Variants in ENTREP2 observed in about 807,000 individuals in gnomAD.
ENTREP2 encodes endosomal transmembrane epsin interactor 2, also known as protein ENTREP2.
At chr15:29,523,327 G>A in the ENTREP2 span, among the ~76,000 whole-genome samples, 1 of 152,070 alleles carries the variant, frequency 6.6e-6, no homozygotes, top group Non-Finnish European at 1.5e-5. Context: ...AAACTAAAGT[G>A]AAGAAAACAA....
the ENTREP2 span, among the ~76,000 whole-genome samples, chr15:29,278,411 T>C: frequency 6.6e-6 from 1 of 152,220 alleles, no homozygotes; most frequent in Non-Finnish European, 1.5e-5. Context: ...AGCTGTCCCC[T>C]TTCTGAGAAT....
chr15:29,383,613 C>T, the ENTREP2 span, among the ~76,000 whole-genome samples: 2 of 152,132 alleles, frequency 1.3e-5, no homozygotes, highest in African/African-American at 2.4e-5. Context: ...TGGCCAGACC[C>T]GGGAGGAGGG....
chr15:29,272,600 C>A, the ENTREP2 span, among the ~76,000 whole-genome samples: 1 of 152,124 alleles, frequency 6.6e-6, no homozygotes, highest in Non-Finnish European at 1.5e-5. Context: ...GGAAGACAAC[C>A]TCATGCTAGA....
At chr15:29,338,704 AAT>A in the ENTREP2 span, among the ~76,000 whole-genome samples, 11 of 152,222 alleles carry the variant, frequency 7.2e-5, no homozygotes, top group South Asian at 2.1e-3. Flanking sequence ...ATGTTCCTTC[AAT>A]ACCTCTTCAA....
At chr15:29,534,946 C>A in the ENTREP2 span, among the ~76,000 whole-genome samples, 30 of 152,282 alleles carry the variant, frequency 2.0e-4, no homozygotes, top group African/African-American at 6.5e-4. Context: ...GAAGAACAAT[C>A]CTTAAAAATA....
the ENTREP2 span, among the ~76,000 whole-genome samples, chr15:29,406,046 C>T: frequency 1.3e-5 from 2 of 152,270 alleles, no homozygotes; most frequent in Middle Eastern, 3.4e-3. Context: ...CTATTTAAAT[C>T]GGTTTTTATA....
the ENTREP2 span, among the ~76,000 whole-genome samples, chr15:29,304,116 C>T: frequency 2.0e-5 from 3 of 152,106 alleles, no homozygotes; most frequent in East Asian, 1.9e-4. Context: ...CCTCTGACCT[C>T]GGGTGATCTG....
At chr15:29,312,555 T>C in the ENTREP2 span, among the ~76,000 whole-genome samples, 1 of 152,192 alleles carries the variant, frequency 6.6e-6, no homozygotes, top group African/African-American at 2.4e-5. Flanking sequence ...TAATTCTCAG[T>C]ACATTTCAAA....
the ENTREP2 span, chr15:29,128,641 C>T: frequency 2.8e-6 from 2 of 712,208 alleles, no homozygotes; most frequent in African/African-American, 1.8e-5. Flanking sequence ...GGAAAGACTG[C>T]TGCAAACTCC....
the ENTREP2 span, among the ~76,000 whole-genome samples, chr15:29,478,019 ATTTTTT>A: frequency 9.2e-5 from 5 of 54,284 alleles, no homozygotes; most frequent in African/African-American, 2.7e-4. Flanking sequence ...ATATATATAT[ATTTTTT>A]TTTTTTTTTT....
At chr15:29,673,313 T>C in the ENTREP2 span, among the ~76,000 whole-genome samples, 80 of 152,282 alleles carry the variant, frequency 5.3e-4, 1 homozygote, top group African/African-American at 1.9e-3. Context: ...TCTTACCTCA[T>C]CCTGTGACTA....
At chr15:29,611,153 C>T in the ENTREP2 span, 7 of 152,306 alleles carry the variant, frequency 4.6e-5, no homozygotes, top group African/African-American at 1.7e-4. Context: ...ACTCCCATCA[C>T]TTCCTGGGGC....
chr15:29,239,506 G>T, the ENTREP2 span, among the ~76,000 whole-genome samples: 1 of 152,082 alleles, frequency 6.6e-6, no homozygotes, highest in Non-Finnish European at 1.5e-5. Context: ...AATTTGGGGG[G>T]GACATAGGTA....
chr15:29,552,546 C>T, the ENTREP2 span, among the ~76,000 whole-genome samples: 1 of 151,804 alleles, frequency 6.6e-6, no homozygotes, highest in Non-Finnish European at 1.5e-5. Context: ...CCAGCCTGGG[C>T]AACATAACAA....
chr15:29,650,316 C>T, the ENTREP2 span, among the ~76,000 whole-genome samples: 9 of 152,132 alleles, frequency 5.9e-5, no homozygotes, highest in Admixed American at 5.9e-4. Context: ...ATCTAGGCCA[C>T]ACGCGGTGGC....
chr15:29,632,019 G>T, the ENTREP2 span, among the ~76,000 whole-genome samples: 1 of 152,218 alleles, frequency 6.6e-6, no homozygotes, highest in Admixed American at 6.5e-5. Context: ...TATCAAAAAG[G>T]ACTTCCGTCC....
chr15:29,146,752 G>A, the ENTREP2 span, among the ~76,000 whole-genome samples: 4 of 152,004 alleles, frequency 2.6e-5, no homozygotes, highest in South Asian at 2.1e-4. Context: ...CCTGGCCAAC[G>A]TGGTGAAACC....
chr15:29,269,684 G>A, the ENTREP2 span: 2 of 1,551,026 alleles, frequency 1.3e-6, no homozygotes, highest in East Asian at 2.6e-5. Flanking sequence ...GAGCGGCCCC[G>A]GTTCCTCGGT....
chr15:29,622,968 G>T, the ENTREP2 span, among the ~76,000 whole-genome samples: 3 of 152,102 alleles, frequency 2.0e-5, no homozygotes, highest in Non-Finnish European at 4.4e-5. Flanking sequence ...GACCATCTGC[G>T]AACACTTCCA....
Sources: gnomAD v4.1 joint callset for allele counts (sites outside exome capture counted in the v4.1 genomes callset) on GRCh38, gnomAD v4.1.1 for gene constraint, MANE v1.5 for transcripts, NCBI Gene and HGNC (gene_info 2026-07-23, HGNC 2026-07-21) for gene names.